The following NXPH1 variants were observed in gnomAD, a reference collection of about 807,000 sequenced individuals.
NXPH1 encodes the protein neurexophilin-1.
NXPH1 carries 5 observed loss-of-function variants against 23.7 expected under a neutral mutation model. The observed-to-expected ratio is 0.21, with a 90% CI of 0.11 to 0.44. The LOEUF is 0.44. Ranked by LOEUF, NXPH1 falls within the 20% of genes least tolerant of loss-of-function variation. The pLI is 0.99. For synonymous variants in NXPH1, 144 were observed against 122.2 expected (o/e 1.18, Z -1.18); for missense variants, 324 against 321.6 (o/e 1.01, Z -0.06).
intron 2 of NXPH1, among the ~76,000 whole-genome samples, chr7:8,478,159 G>T (rs941270666): frequency 6.6e-6 from 1 of 152,010 alleles, no homozygotes; most frequent in Non-Finnish European, 1.5e-5. Flanking sequence ...GCAAAAATGT[G>T]TAACTGTCTC....
chr7:8,457,914 A>G (rs898573718), intron 2 of NXPH1, among the ~76,000 whole-genome samples: 1 of 152,196 alleles, frequency 6.6e-6, no homozygotes, highest in East Asian at 1.9e-4. Flanking sequence ...TTCAAGAACC[A>G]AGGCCAGGAA....
intron 2 of NXPH1, among the ~76,000 whole-genome samples, chr7:8,511,430 C>T (rs183945479): frequency 2.7e-4 from 41 of 152,230 alleles, no homozygotes; most frequent in Admixed American, 5.9e-4. Flanking sequence ...CTGCTGCATG[C>T]GGCCTGGGCT....
At chr7:8,628,967 C>G (rs887986026) in intron 2 of NXPH1, among the ~76,000 whole-genome samples, 1 of 150,766 alleles carries the variant, frequency 6.6e-6, no homozygotes, top group Non-Finnish European at 1.5e-5. Context: ...CACAGGCATT[C>G]TAGATCTTGG....
chr7:8,638,739 T>C (rs1820258859), intron 2 of NXPH1, among the ~76,000 whole-genome samples: 1 of 152,322 alleles, frequency 6.6e-6, no homozygotes, highest in African/African-American at 2.4e-5. Flanking sequence ...TTCAATAGTA[T>C]GATTTTAACA....
intron 2 of NXPH1, among the ~76,000 whole-genome samples, chr7:8,738,059 T>G (rs1389440371): frequency 6.6e-6 from 1 of 152,206 alleles, no homozygotes; most frequent in African/African-American, 2.4e-5. Context: ...GTTCTTAGCT[T>G]CCTTGCATTG....
chr7:8,451,645 A>G (rs957307097), intron 2 of NXPH1, among the ~76,000 whole-genome samples: 3 of 152,222 alleles, frequency 2.0e-5, no homozygotes, highest in African/African-American at 7.2e-5. Context: ...CCATACAACT[A>G]TGGTGAGAGA....
intron 2 of NXPH1, among the ~76,000 whole-genome samples, chr7:8,732,767 T>C (rs1780180695): frequency 6.6e-6 from 1 of 152,132 alleles, no homozygotes; most frequent in East Asian, 1.9e-4. Context: ...TCCTTGTTAG[T>C]GGTGAATCAG....
At chr7:8,455,631 C>A (rs1190479742) in intron 2 of NXPH1, among the ~76,000 whole-genome samples, 1 of 152,144 alleles carries the variant, frequency 6.6e-6, no homozygotes, top group Non-Finnish European at 1.5e-5. Flanking sequence ...CAGAAAGGAT[C>A]AGAATTTGAG....
intron 2 of NXPH1, among the ~76,000 whole-genome samples, chr7:8,598,386 C>G (rs1252730324): frequency 1.3e-5 from 2 of 152,142 alleles, no homozygotes; most frequent in Non-Finnish European, 2.9e-5. Context: ...ATCCAATCTT[C>G]TCTTTGGCTA....
intron 2 of NXPH1, among the ~76,000 whole-genome samples, chr7:8,585,086 T>G (rs1404949000): frequency 6.6e-6 from 1 of 152,238 alleles, no homozygotes; most frequent in East Asian, 1.9e-4. Flanking sequence ...TACCTAATAT[T>G]TTTACTGCTC....
At chr7:8,464,699 C>G (rs567458694) in intron 2 of NXPH1, among the ~76,000 whole-genome samples, 1 of 152,072 alleles carries the variant, frequency 6.6e-6, no homozygotes, top group South Asian at 2.1e-4. Flanking sequence ...TGGAATGATG[C>G]TTCTACAGAG....
intron 2 of NXPH1, among the ~76,000 whole-genome samples, chr7:8,707,006 T>C (rs1779716265): frequency 6.6e-6 from 1 of 152,178 alleles, no homozygotes; most frequent in South Asian, 2.1e-4. Flanking sequence ...ACACAATATA[T>C]CCATGTAACA....
chr7:8,467,589 C>G (rs182175735), intron 2 of NXPH1, among the ~76,000 whole-genome samples: 2 of 152,096 alleles, frequency 1.3e-5, no homozygotes, highest in Non-Finnish European at 2.9e-5. Context: ...GGATATATAG[C>G]GGTGGGGGCT....
intron 2 of NXPH1, among the ~76,000 whole-genome samples, chr7:8,665,912 C>T (rs201364367): frequency 0.032 from 903 of 28,386 alleles, 15 homozygotes; most frequent in Admixed American, 0.047. Flanking sequence ...GTTTTTTTTT[C>T]TTTTTCTTTT....
intron 2 of NXPH1, among the ~76,000 whole-genome samples, chr7:8,509,442 A>G (rs1214522932): frequency 6.6e-6 from 1 of 152,130 alleles, no homozygotes; most frequent in Non-Finnish European, 1.5e-5. Context: ...TATGTGGAAC[A>G]TCTATTCTCT....
At chr7:8,569,399 A>G (rs1818606644) in intron 2 of NXPH1, among the ~76,000 whole-genome samples, 1 of 151,952 alleles carries the variant, frequency 6.6e-6, no homozygotes, top group Non-Finnish European at 1.5e-5. Flanking sequence ...GGAAAAATAG[A>G]CAAGTATTAG....
At chr7:8,729,839 G>C (rs1013109950) in intron 2 of NXPH1, among the ~76,000 whole-genome samples, 1 of 151,664 alleles carries the variant, frequency 6.6e-6, no homozygotes, top group Non-Finnish European at 1.5e-5. Context: ...GGAGAGTTCT[G>C]TAGATGTCTA....
intron 2 of NXPH1, among the ~76,000 whole-genome samples, chr7:8,745,772 G>T (rs1264314297): frequency 7.9e-6 from 1 of 126,748 alleles, no homozygotes; most frequent in Non-Finnish European, 1.6e-5. Flanking sequence ...GTGTCACCAT[G>T]TTGGCCAGGA....
rs916390605 is a variant in NXPH1, at chr7:8,435,700, T to A, written c.-14T>A. On this transcript the variant is annotated 5_prime_UTR_variant, in exon 2 of 3. An upstream open reading frame in the 5' UTR loses its in-frame stop. Transcript: ENST00000405863. The surrounding 1 kb of genome is among the most constrained non-coding windows in gnomAD (Gnocchi z 5.9). ...CAAAGAAGGCACCGCCAAGGAAGTT[T>A]GAGACGCGGGAGAATGCAGGCTGCG... The A allele has an allele frequency of 1.2e-5, 20 of 1,613,790 alleles. No individual in the cohort carries two copies. The highest frequency in any genetic ancestry group is 3.3e-4 in the Middle Eastern group (2 of 6,062).
Sources: gnomAD v4.1 joint callset for allele counts (sites outside exome capture counted in the v4.1 genomes callset) on GRCh38, gnomAD v4.1.1 for gene constraint, Gnocchi (gnomAD v3.1) non-coding constraint, MANE v1.5 for transcripts, NCBI Gene and HGNC (gene_info 2026-07-23, HGNC 2026-07-21) for gene names.